Variants in CHRNA2 observed in about 807,000 individuals in gnomAD.
CHRNA2 encodes the protein neuronal acetylcholine receptor subunit alpha-2.
Under a neutral mutation model 45.5 loss-of-function variants are expected in CHRNA2, and 40 were observed. The observed-to-expected ratio is 0.88, with a 90% confidence interval of 0.68 to 1.15. The LOEUF is 1.15. Among genes scored for constraint, CHRNA2 ranks in the 50% most tolerant of loss-of-function variants. CHRNA2 has a pLI of 0.00. For synonymous variants in CHRNA2, 301 were observed against 296.7 expected (o/e 1.01, Z -0.15); for missense variants, 655 against 701.7 (o/e 0.93, Z 0.75).
At chr8:27,473,996 A>G (rs1167128577) in intron 1 of CHRNA2, among the ~76,000 whole-genome samples, 3 of 152,238 alleles carry the variant, frequency 2.0e-5, no homozygotes, top group East Asian at 3.9e-4. Context: ...AGGTCACTCA[A>G]TCCCCCTGGG....
chr8:27,471,280 A>G, intron 1 of CHRNA2, 86 bp from the exon 2 acceptor site: 1 of 513,214 alleles, frequency 1.9e-6, no homozygotes, highest in Non-Finnish European at 3.6e-6. Flanking sequence ...ACAGGCATGA[A>G]ATGAGAGCAA....
rs561008438 is a variant in CHRNA2, at chr8:27,469,767, G to A, written c.288C>T (p.Ile96=). ...GGTGGGAAGACAGGCGCACCACATC[G>A]ATGAGCTGAGCGATGGACAGTCCAA... ...VRFGLSIAQL[I]DVDEKNQMMT... Residue 96 remains isoleucine, a synonymous_variant, in exon 3 of 7, where the codon ATC becomes ATT. Coordinates refer to ENST00000407991, the MANE Select transcript of CHRNA2 (RefSeq NM_000742.4). The A allele has an allele frequency of 2.6e-5, 42 of 1,614,154 alleles. No homozygotes were observed. The highest frequency in any genetic ancestry group is 1.8e-4 in the Admixed American group (11 of 60,030).
At chr8:27,477,013 G>C (rs576483786) in intron 1 of CHRNA2, among the ~76,000 whole-genome samples, 4 of 151,000 alleles carry the variant, frequency 2.6e-5, no homozygotes, top group Non-Finnish European at 4.4e-5. Flanking sequence ...AAAAAAAACT[G>C]ATGTTCAGAG....
chr8:27,475,919 A>T (rs936436935), intron 1 of CHRNA2, among the ~76,000 whole-genome samples: 1 of 152,112 alleles, frequency 6.6e-6, no homozygotes, highest in Non-Finnish European at 1.5e-5. Flanking sequence ...AGCCCCAAGC[A>T]CAGCCCCAGC....
At chr8:27,471,240 A>C (rs1812874712) in intron 1 of CHRNA2, 46 bp from the exon 2 acceptor site, 2 of 616,020 alleles carry the variant, frequency 3.2e-6, no homozygotes, top group Non-Finnish European at 5.9e-6. Context: ...CATCCTTGAC[A>C]TAGGCATATT....
chr8:27,464,839 G>C (rs1477299203), intron 5 of CHRNA2, among the ~76,000 whole-genome samples: 2 of 152,128 alleles, frequency 1.3e-5, no homozygotes, highest in African/African-American at 4.8e-5. Context: ...CTGTGCAGAA[G>C]AGGAATATGA....
At position 27,461,007 on chromosome 8, in the gene CHRNA2, C is replaced by A; in HGVS notation, c.*622G>T. 6.4e-6 allele frequency: 1 copy of A among 155,664 alleles called. No individual in the cohort carries two copies. The highest frequency in any genetic ancestry group is 1.9e-4 in the East Asian group (1 of 5,248). 9.6% of individuals were successfully genotyped at this position (155,664 alleles called of 1,614,324 possible). A position where few individuals can be genotyped will look rare whatever the true frequency, so the allele number is the denominator to read the frequency against. On this transcript the variant is annotated 3_prime_UTR_variant, in exon 7 of 7. Coordinates refer to ENST00000407991, the MANE Select transcript of CHRNA2 (RefSeq NM_000742.4). ...CCTCCACATCAGGTGCAGGCCCTGC[C>A]TCCCGCTTCCTCCCCTTCCAGAAGA...
intron 4 of CHRNA2, 73 bp from the exon 5 acceptor site, chr8:27,467,411 G>A: frequency 3.2e-6 from 4 of 1,241,636 alleles, no homozygotes; most frequent in East Asian, 2.4e-5. Context: ...CACACCCCGG[G>A]GATGCCCAGA....
chr8:27,474,539 G>A (rs138802470), intron 1 of CHRNA2, among the ~76,000 whole-genome samples: 1 of 93,338 alleles, frequency 1.1e-5, no homozygotes, highest in African/African-American at 4.4e-5. Context: ...AAAGGTTGGC[G>A]GTTCCCAGTA....
rs1029528073 is a variant in CHRNA2 at position 27,471,085 on chromosome 8, G to A, written c.-27C>T. ...GCTTCTCCTGAGCATCAGGAGGTCA[G>A]GTCAGGGCTTTGCTGTGGGTTGCAC... On this transcript the variant is annotated 5_prime_UTR_variant, in exon 2 of 7. Coordinates refer to ENST00000407991, the MANE Select transcript of CHRNA2 (RefSeq NM_000742.4). 1 of 1,609,334 alleles carries A rather than the reference G, an allele frequency of 6.2e-7. No individual in the cohort carries two copies. Among genetic ancestry groups the A allele is most frequent in the Non-Finnish European group, 8.5e-7 (1 of 1,175,890 alleles).
rs74929100 is a variant in CHRNA2 at position 27,463,401 on chromosome 8, A to G, written c.1042T>C (p.Phe348Leu). The G allele has an allele frequency of 6.2e-7, 1 of 1,614,144 alleles. No individual in the cohort carries two copies. The highest frequency in any genetic ancestry group is 8.5e-7 in the Non-Finnish European group (1 of 1,180,038). ...FVTLSIVITV[F>L]VLNVHHRSPS... ...GAGCGGTGGTGCACATTGAGCACGA[A>G]GACGGTGATGACGATGGACAGGGTG... Residue 348 changes from phenylalanine to leucine, a missense_variant, in exon 6 of 7, where the codon TTC becomes CTC. Physicochemically the swap from Phe to Leu is conservative, Grantham distance 22 (BLOSUM62 0). Transcript: ENST00000407991. The surrounding 1 kb of genome is among the most constrained non-coding windows in gnomAD (Gnocchi z 6.1).
intron 5 of CHRNA2, among the ~76,000 whole-genome samples, chr8:27,464,980 C>A (rs1298527378): frequency 2.0e-5 from 3 of 152,142 alleles, no homozygotes; most frequent in Non-Finnish European, 2.9e-5. Context: ...GGGAAAACTC[C>A]CTTCTGGGAG....
chr8:27,469,734 G>C lies in CHRNA2; in HGVS notation c.294+27C>G, dbSNP rs199963019. On this transcript the variant is annotated intron_variant, in intron 3 of 6. Coordinates refer to ENST00000407991, the MANE Select transcript of CHRNA2 (RefSeq NM_000742.4). ...TGGGTGGTCTGGGATCTCCTTCCTC[G>C]GGCCAGCGGTGGGAAGACAGGCGCA... 2.9e-5 allele frequency: 46 copies of C among 1,613,362 alleles called. 1 individual carries two copies. The East Asian group carries it at 8.7e-4, about 30-fold the overall frequency.
chr8:27,463,351 G>C lies in CHRNA2; in HGVS notation c.1092C>G (p.His364Gln). 6.2e-7 allele frequency: 1 copy of C among 1,614,042 alleles called. No homozygotes were observed. The highest frequency in any genetic ancestry group is 1.1e-5 in the South Asian group (1 of 91,090). The change falls in exon 6 of 7, where the codon CAC becomes CAG. Residue 364 changes from histidine (H) to glutamine (Q), a missense_variant. Coordinates refer to ENST00000407991, the MANE Select transcript of CHRNA2 (RefSeq NM_000742.4). The surrounding 1 kb of genome is among the most constrained non-coding windows in gnomAD (Gnocchi z 6.1). ...HRSPSTHTMP[H>Q]WVRGALLGCV... ...AGCCCAGAAGGGCCCCCCGCACCCA[G>C]TGGGGCATGGTGTGGGTGCTGGGGG...
At chr8:27,471,754 G>T (rs927730210) in intron 1 of CHRNA2, among the ~76,000 whole-genome samples, 1 of 152,214 alleles carries the variant, frequency 6.6e-6, no homozygotes, top group African/African-American at 2.4e-5. Context: ...AGGTGATATT[G>T]TAAAAAATAT....
At chr8:27,462,435 G>T (rs1812523463) in intron 6 of CHRNA2, among the ~76,000 whole-genome samples, 1 of 151,902 alleles carries the variant, frequency 6.6e-6, no homozygotes, top group South Asian at 2.1e-4. Flanking sequence ...TCAGGGTGGG[G>T]CCAATGCCAT....
chr8:27,472,875 A>T (rs1342623340), intron 1 of CHRNA2, among the ~76,000 whole-genome samples: 1 of 152,178 alleles, frequency 6.6e-6, no homozygotes, highest in Non-Finnish European at 1.5e-5. Flanking sequence ...AGCAGCAGCT[A>T]CCCCTCTTGA....
intron 1 of CHRNA2, chr8:27,477,364 C>A (rs1266439737): frequency 6.6e-6 from 1 of 152,202 alleles, no homozygotes; most frequent in Non-Finnish European, 1.5e-5. Flanking sequence ...GTTGCAAATT[C>A]CAAAGCTATC....
chr8:27,477,228 T>A (rs1174945215), intron 1 of CHRNA2: 1 of 152,080 alleles, frequency 6.6e-6, no homozygotes, highest in African/African-American at 2.4e-5. Flanking sequence ...AGGACTGAGG[T>A]CTGTTGAGGA....
Sources: allele counts gnomAD v4.1 joint callset (sites outside exome capture counted in the v4.1 genomes callset), GRCh38; gene constraint gnomAD v4.1.1; non-coding constraint Gnocchi (gnomAD v3.1); transcripts MANE v1.5; gene names NCBI Gene and HGNC (gene_info 2026-07-23, HGNC 2026-07-21).